SPDL1: variants seen among roughly 807,000 people sequenced by gnomAD.
SPDL1 encodes the protein spindle apparatus coiled-coil protein 1.
A neutral mutation model predicts 79.5 loss-of-function variants in SPDL1; 85 were observed. The ratio of observed to expected loss-of-function variants is 1.07; its 90% CI spans 0.90 to 1.28. The LOEUF (loss-of-function observed/expected upper bound fraction) is 1.28. Ranked by LOEUF, SPDL1 falls within the 50% of genes most tolerant of loss-of-function variation. SPDL1 has a pLI of 0.00. For missense variants in SPDL1, 703 were observed against 697.8 expected, an observed-to-expected ratio of 1.01 and a Z score of -0.08; for synonymous variants, 269 against 240.3, an observed-to-expected ratio of 1.12 and a Z score of -1.10.
intron 3 of SPDL1, 41 bp downstream of exon 3, chr5:169,591,265 T>C: frequency 6.3e-7 from 1 of 1,583,186 alleles, no homozygotes; most frequent in Non-Finnish European, 8.6e-7. Context: ...TATTCCATAT[T>C]TATGCAGCCA....
chr5:169,593,203 T>C, intron 3 of SPDL1, 151 bp from the exon 4 acceptor site: 1 of 637,700 alleles, frequency 1.6e-6, no homozygotes, highest in Non-Finnish European at 2.6e-6. Context: ...ACAAGGTGTG[T>C]CACTAGCTGT....
At chr5:169,587,080 G>A (rs1197416612) in intron 1 of SPDL1, 1 of 152,088 alleles carries the variant, frequency 6.6e-6, no homozygotes, top group African/African-American at 2.4e-5. Context: ...CTGCCTCCTG[G>A]TTACATCACC....
chr5:169,589,586 C>T (rs1324747090), intron 2 of SPDL1, among the ~76,000 whole-genome samples: 1 of 151,814 alleles, frequency 6.6e-6, no homozygotes, highest in African/African-American at 2.4e-5. Flanking sequence ...GTTGTTTACC[C>T]CTCACTGCTC....
rs1755409463 is a variant in SPDL1, at chr5:169,593,483, C to G, written c.466C>G (p.Gln156Glu). The G allele has an allele frequency of 6.2e-7, 1 of 1,613,820 alleles. No homozygotes were observed. Among genetic ancestry groups the G allele is most frequent in the South Asian group, 1.1e-5 (1 of 91,030 alleles). Reference protein sequence around the residue: ...EELRVMSERVQESMSSEMLAL... With the variant: ...EELRVMSERVEESMSSEMLAL... ...ACTGCGCGTAATGTCTGAACGTGTG[C>G]AGGAAAGCATGTCTTCAGAGATGCT... Residue 156 changes from glutamine (Q) to glutamate (E), a missense_variant, in exon 4 of 12, where the codon CAG becomes GAG. By Grantham distance (29) the Gln-to-Glu change is conservative. Coordinates refer to ENST00000265295, the MANE Select transcript of SPDL1 (RefSeq NM_017785.5).
At chr5:169,601,889 A>C (rs1755951923) in intron 11 of SPDL1, 2 of 521,500 alleles carry the variant, frequency 3.8e-6, no homozygotes, top group Non-Finnish European at 7.0e-6. Flanking sequence ...ACAGTTTAAC[A>C]CATCTCTGAA....
At chr5:169,595,592 GT>G (rs1755545315) in intron 7 of SPDL1, 1 of 152,194 alleles carries the variant, frequency 6.6e-6, no homozygotes, top group Non-Finnish European at 1.5e-5. Context: ...AACAACAGCT[GT>G]GAATTTTATT....
At chr5:169,596,425 G>T in intron 7 of SPDL1, 136 bp from the exon 8 acceptor site, 2 of 677,198 alleles carry the variant, frequency 3.0e-6, no homozygotes, top group Non-Finnish European at 4.8e-6. Flanking sequence ...TTTATTATTA[G>T]ATTAGAAATA....
chr5:169,600,743 A>T (rs1336347944), intron 10 of SPDL1, among the ~76,000 whole-genome samples: 1 of 152,214 alleles, frequency 6.6e-6, no homozygotes, highest in Non-Finnish European at 1.5e-5. Flanking sequence ...GATTCTGCTT[A>T]TATTTTGTAG....
At chr5:169,586,623 T>G (rs530084869) in intron 1 of SPDL1, among the ~76,000 whole-genome samples, 1 of 152,334 alleles carries the variant, frequency 6.6e-6, no homozygotes, top group South Asian at 2.1e-4. Context: ...GCAATTCCAT[T>G]TTACTAGGTG....
At chr5:169,587,123 A>G (rs1289892647) in intron 1 of SPDL1, 3 of 151,602 alleles carry the variant, frequency 2.0e-5, no homozygotes, top group African/African-American at 7.3e-5. Context: ...ATTCTGTTCT[A>G]TTTTTTCTCA....
At chr5:169,586,358 G>T (rs1754984995) in intron 1 of SPDL1, 1 of 152,312 alleles carries the variant, frequency 6.6e-6, no homozygotes, top group African/African-American at 2.4e-5. Flanking sequence ...ACATACTCCT[G>T]GTTTTCCTTC....
At position 169,594,585 on chromosome 5, in the gene SPDL1, G is replaced by A; in HGVS notation, c.795G>A (p.Arg265=). 6.2e-7 allele frequency: 1 copy of A among 1,613,884 alleles called. No individual in the cohort carries two copies. The change falls in exon 7 of 12, where the codon AGG becomes AGA. Residue 265 remains arginine, a synonymous_variant. Transcript: ENST00000265295. ...ATATTTTGTAGGTGGAAGATCGAAG[G>A]GCAGCAATGGAACGTCAGCTCATCA... is the stretch of plus-strand genomic sequence containing the variant. ...NSLFAEVEDR[R]AAMERQLISM...
At chr5:169,594,124 T>C (rs756081335) in intron 4 of SPDL1, 21 bp from the exon 5 acceptor site, 5 of 1,578,988 alleles carry the variant, frequency 3.2e-6, no homozygotes, top group South Asian at 1.2e-5. Context: ...AATTTCCTCC[T>C]TTTCAATTCC....
chr5:169,587,218 T>G (rs888221875), intron 1 of SPDL1: 1 of 152,232 alleles, frequency 6.6e-6, no homozygotes. Context: ...GGAGGAGCTT[T>G]TTTTTCGTCC....
chr5:169,593,927 T>A (rs1755436409), intron 4 of SPDL1, among the ~76,000 whole-genome samples: 1 of 152,188 alleles, frequency 6.6e-6, no homozygotes, highest in Non-Finnish European at 1.5e-5. Flanking sequence ...AAGCCTGAAA[T>A]TGATAGAGGA....
intron 3 of SPDL1, among the ~76,000 whole-genome samples, chr5:169,593,068 G>GT (rs1367205435): frequency 2.0e-5 from 3 of 151,994 alleles, no homozygotes; most frequent in Non-Finnish European, 4.4e-5. Flanking sequence ...TGCTTCCATT[G>GT]TTTCTCTTCA....
chr5:169,589,293 G>A (rs1032084916), intron 2 of SPDL1, among the ~76,000 whole-genome samples: 2 of 152,146 alleles, frequency 1.3e-5, no homozygotes, highest in African/African-American at 4.8e-5. Context: ...CGGGTTGCCT[G>A]CTTCCATTGT....
Position 169,594,268 on chromosome 5 carries a change from G to A in SPDL1, c.655G>A (p.Ala219Thr), listed in dbSNP as rs1304828707. The change falls in exon 5 of 12, where the codon GCA (alanine) becomes ACA (threonine). Residue 219 changes from alanine to threonine, a missense_variant. Physicochemically the swap from Ala to Thr is moderately conservative, Grantham distance 58 (BLOSUM62 0). Transcript: ENST00000265295. ...GGAAAAAGAGGAGCGAGAGAAAGAA[G>A]CAGTTTCTTACTATAATGCCCTAGA... Reference protein sequence around the residue: ...KEEKEEREKEAVSYYNALEKA... With the variant: ...KEEKEEREKETVSYYNALEKA... 1 of 1,612,222 alleles carries A rather than the reference G, an allele frequency of 6.2e-7. No homozygotes were observed. Among genetic ancestry groups the A allele is most frequent in the Non-Finnish European group, 8.5e-7 (1 of 1,178,382 alleles).
In SPDL1 at chr5:169,603,992, T is replaced by C. The variant is rs976501476; in HGVS notation, c.1671-68T>C. 7.9e-6 allele frequency: 12 copies of C among 1,522,136 alleles called. 1 individual carries two copies. In the Middle Eastern group the frequency reaches 7.1e-4, roughly 90 times the overall value. The allele number at this position is 1,522,136 out of a possible 1,614,324, so 94.3% of individuals were successfully genotyped here. A position where few individuals can be genotyped will look rare whatever the true frequency, so the allele number is the denominator to read the frequency against. ...ATGCCTTATTGGAGGCCCATTATAC[T>C]GGGGGTTTGTTTCTTCAATCCTTCA... On this transcript the variant is annotated intron_variant, in intron 11 of 11. Coordinates refer to ENST00000265295, the MANE Select transcript of SPDL1 (RefSeq NM_017785.5).
Sources: gnomAD v4.1 joint callset for allele counts (sites outside exome capture counted in the v4.1 genomes callset) on GRCh38, gnomAD v4.1.1 for gene constraint, MANE v1.5 for transcripts, NCBI Gene and HGNC (gene_info 2026-07-23, HGNC 2026-07-21) for gene names.